The following TOMM20L variants were observed in gnomAD, a reference collection of about 807,000 sequenced individuals.
TOMM20L encodes the protein translocase of outer mitochondrial membrane 20 like.
Under a neutral mutation model 20.4 loss-of-function variants are expected in TOMM20L, and 19 were observed. The observed-to-expected ratio is 0.93, with a 90% CI of 0.65 to 1.36. The LOEUF is 1.36. TOMM20L is among the 40% of genes most tolerant of loss of function. The pLI, the probability that TOMM20L is intolerant of heterozygous loss-of-function variation, is 0.00. For synonymous variants in TOMM20L, 75 were observed against 79.6 expected, an observed-to-expected ratio of 0.94 and a Z score of 0.30; for missense variants, 218 against 203.7, an observed-to-expected ratio of 1.07 and a Z score of -0.43.
chr14:58,398,718 A>G (rs1283902907), intron 2 of TOMM20L: 1 of 151,158 alleles, frequency 6.6e-6, no homozygotes, highest in Non-Finnish European at 1.5e-5. Context: ...TTATATTCAT[A>G]TTAAGCCATA....
At chr14:58,412,156 T>A (rs1352269326), downstream of TOMM20L, 1 of 498,492 alleles carries the variant, frequency 2.0e-6, no homozygotes, top group Non-Finnish European at 3.6e-6. Flanking sequence ...TTTTCTTTTT[T>A]TTTTTGAGAC....
chr14:58,411,041 C>T, downstream of TOMM20L: 1 of 743,960 alleles, frequency 1.3e-6, no homozygotes, highest in Non-Finnish European at 2.3e-6. Context: ...TATACTATAA[C>T]ACTTGAAATC....
At chr14:58,396,938 A>C (rs2035934248) in intron 2 of TOMM20L, among the ~76,000 whole-genome samples, 1 of 152,224 alleles carries the variant, frequency 6.6e-6, no homozygotes, top group African/African-American at 2.4e-5. Flanking sequence ...TACTAAAAAT[A>C]CAAAAATTAG....
chr14:58,401,916 G>T (rs1316591847), intron 2 of TOMM20L, among the ~76,000 whole-genome samples: 4 of 152,088 alleles, frequency 2.6e-5, no homozygotes, highest in Non-Finnish European at 5.9e-5. Flanking sequence ...ATAGTTTTTT[G>T]TTTCCCCGAT....
intron 3 of TOMM20L, among the ~76,000 whole-genome samples, chr14:58,404,296 A>G (rs1430537846): frequency 7.1e-6 from 1 of 140,146 alleles, no homozygotes; most frequent in Non-Finnish European, 1.6e-5. Context: ...CGCCCGGCTA[A>G]TTTTTTGTAT....
At chr14:58,410,779 A>C, downstream of TOMM20L, 1 of 1,120,172 alleles carries the variant, frequency 8.9e-7, no homozygotes, top group Non-Finnish European at 1.3e-6. Context: ...GAAATGCTTA[A>C]GGGGATCCTA....
At chr14:58,397,039 T>C (rs1277550292) in intron 2 of TOMM20L, among the ~76,000 whole-genome samples, 1 of 152,124 alleles carries the variant, frequency 6.6e-6, no homozygotes, top group Non-Finnish European at 1.5e-5. Context: ...AGTTGCAGCC[T>C]GGGCGACAGA....
At position 58,405,080 on chromosome 14, in the gene TOMM20L, G is replaced by T. The variant is rs375654032; in HGVS notation, c.263-2246G>T. Among the ~76,000 whole-genome samples, 10 of 151,246 alleles carry T rather than the reference G, an allele frequency of 6.6e-5. 1 individual carries two copies. Among genetic ancestry groups the T allele is most frequent in the South Asian group, 6.3e-4 (3 of 4,794 alleles). On this transcript the variant is annotated intron_variant, in intron 3 of 4. Transcript: ENST00000360945. ...GCCTTCCAGGTTCAAGCGATTCTCC[G>T]GCCTCAGCCTCCTAAGTAGCTGGGA... is the stretch of plus-strand genomic sequence containing the variant.
intron 3 of TOMM20L, among the ~76,000 whole-genome samples, chr14:58,404,090 C>CATATATGTGTGTGTATATATATATATAT (rs1470382627): frequency 3.0e-4 from 5 of 16,836 alleles, no homozygotes; most frequent in South Asian, 2.4e-3. Flanking sequence ...TGTATATATA[C>CATATATGTGTGTGTATATATATATATAT]ATATATATGT....
chr14:58,416,252 A>G, the TOMM20L span, among the ~76,000 whole-genome samples: 4 of 152,178 alleles, frequency 2.6e-5, no homozygotes, highest in South Asian at 6.2e-4. Flanking sequence ...ATAACAATAA[A>G]TAAAATAAAA....
chr14:58,413,218 A>G (rs2036278776), downstream of TOMM20L, among the ~76,000 whole-genome samples: 3 of 152,218 alleles, frequency 2.0e-5, no homozygotes, highest in South Asian at 6.2e-4. Flanking sequence ...GCCTATATTT[A>G]GATTTAATAA....
chr14:58,401,634 G>A (rs1174049880), intron 2 of TOMM20L, among the ~76,000 whole-genome samples: 3 of 152,048 alleles, frequency 2.0e-5, no homozygotes, highest in Non-Finnish European at 2.9e-5. Context: ...ATTAGTGGGG[G>A]AAAACAAAAA....
At chr14:58,416,054 GA>G in the TOMM20L span, among the ~76,000 whole-genome samples, 391 of 122,046 alleles carry the variant, frequency 3.2e-3, 2 homozygotes, top group African/African-American at 5.5e-3. Context: ...CGTCCCTACT[GA>G]AAAAAAAAAA....
rs2035983622 is a variant in TOMM20L, at chr14:58,400,707, G to A, written c.181-1973G>A. On this transcript the variant is annotated intron_variant, in intron 2 of 4. Transcript: ENST00000360945. ...AGCCTGACCAACATGGTGAAACCCC[G>A]TCTCTACTAAAAATACAAAAATTGG... 2.6e-5 allele frequency among the ~76,000 whole-genome samples: 4 copies of A among 151,828 alleles called. No homozygotes were observed. In the South Asian group the frequency reaches 6.2e-4, roughly 24 times the overall value.
chr14:58,400,661 C>T (rs921632651), intron 2 of TOMM20L, among the ~76,000 whole-genome samples: 13 of 151,754 alleles, frequency 8.6e-5, no homozygotes, highest in African/African-American at 1.2e-4. Context: ...GGGTGGATCA[C>T]GAGGTCAGGA....
At chr14:58,412,227 C>A, downstream of TOMM20L, 1 of 331,376 alleles carries the variant, frequency 3.0e-6, no homozygotes, top group Non-Finnish European at 5.7e-6. Flanking sequence ...ACTGCAACCT[C>A]TGCCTCCGGG....
chr14:58,408,553 C>CAGG lies in TOMM20L; in HGVS notation c.432_434dup (p.Gln144_Asp145insGlu), dbSNP rs762739617. The CAGG allele has an allele frequency of 6.2e-7, 1 of 1,613,920 alleles. No individual in the cohort carries two copies. Among genetic ancestry groups the CAGG allele is most frequent in the Non-Finnish European group, 8.5e-7 (1 of 1,179,974 alleles). ...GCAATTTGAGGCAGACATGAATGAA[C>CAGG]AGGACTGCTTGGAGGATGATCCTGA... is the stretch of plus-strand genomic sequence containing the variant. On this transcript the variant is annotated inframe_insertion, in exon 5 of 5. Coordinates refer to ENST00000360945, the MANE Select transcript of TOMM20L (RefSeq NM_207377.3).
At chr14:58,401,831 A>G (rs756155769) in intron 2 of TOMM20L, among the ~76,000 whole-genome samples, 2 of 151,980 alleles carry the variant, frequency 1.3e-5, no homozygotes, top group Non-Finnish European at 2.9e-5. Context: ...CCTTCTGAAC[A>G]CTCACTCCCC....
chr14:58,410,988 TG>T, downstream of TOMM20L: 3 of 1,335,696 alleles, frequency 2.2e-6, no homozygotes, highest in Non-Finnish European at 3.2e-6. Context: ...AAAACAAAGA[TG>T]CTTTGAAACT....
Sources: gnomAD v4.1 joint callset for allele counts (sites outside exome capture counted in the v4.1 genomes callset) on GRCh38, gnomAD v4.1.1 for gene constraint, MANE v1.5 for transcripts, NCBI Gene and HGNC (gene_info 2026-07-23, HGNC 2026-07-21) for gene names.